FBLN5: variants seen among roughly 807,000 people sequenced by gnomAD.
FBLN5 encodes the protein fibulin 5, also known as fibulin-5.
FBLN5 carries 24 observed loss-of-function variants against 61.6 expected under a neutral mutation model. The observed-to-expected ratio is 0.39, with a 90% confidence interval of 0.28 to 0.55. The LOEUF (loss-of-function observed/expected upper bound fraction) is 0.55, where lower values mean the gene tolerates loss of function less well. Among genes scored for constraint, FBLN5 ranks in the 20% least tolerant of loss-of-function variants. The pLI is 0.65. For synonymous variants in FBLN5, 213 were observed against 219.8 expected (o/e 0.97, Z 0.27); for missense variants, 470 against 594.1 (o/e 0.79, Z 2.17).
At chr14:91,902,602 G>T (rs2139995178) in intron 4 of FBLN5, among the ~76,000 whole-genome samples, 2 of 152,232 alleles carry the variant, frequency 1.3e-5, no homozygotes, top group Middle Eastern at 6.8e-3. Flanking sequence ...ACTTTAATAT[G>T]CGTATGACTC....
chr14:91,900,414 CTT>C (rs1566810928), intron 4 of FBLN5, among the ~76,000 whole-genome samples: 3 of 152,158 alleles, frequency 2.0e-5, no homozygotes. Flanking sequence ...GTTGAAAATA[CTT>C]TGTTTTCATA....
At position 91,907,097 on chromosome 14, in the gene FBLN5, C is replaced by A. The variant is rs187689109; in HGVS notation, c.380-12025G>T. Among the ~76,000 whole-genome samples the A allele has an allele frequency of 5.9e-3, 901 of 152,310 alleles. 33 individuals are homozygous for A. The highest frequency in any genetic ancestry group is 0.053 in the Admixed American group (807 of 15,296). On this transcript the variant is annotated intron_variant, in intron 4 of 10. Transcript: ENST00000342058. ...CATCTGCCAATATCTATTCTCCCAACCAAAGACTGCATTTTTAAGCCTCTC... is the reference window on the plus strand; with the variant it reads ...CATCTGCCAATATCTATTCTCCCAAACAAAGACTGCATTTTTAAGCCTCTC...
chr14:91,934,719 C>T (rs1566827431), intron 4 of FBLN5, among the ~76,000 whole-genome samples: 1 of 152,160 alleles, frequency 6.6e-6, no homozygotes, highest in African/African-American at 2.4e-5. Flanking sequence ...TGGGCAGTGA[C>T]ACCTCCACAC....
Position 91,943,187 on chromosome 14 carries a change from T to G in FBLN5, c.18-226A>C, listed in dbSNP as rs563549718. 2.0e-5 allele frequency among the ~76,000 whole-genome samples: 3 copies of G among 152,056 alleles called. No homozygotes were observed. In the South Asian group the frequency reaches 6.2e-4, roughly 32 times the overall value. ...TTGGGATCATGTGTTAGATCACACT[T>G]TTTAATAAAGGGTTTGGCTGCTTCA... is the stretch of plus-strand genomic sequence containing the variant. On this transcript the variant is annotated intron_variant, in intron 1 of 10. Coordinates refer to ENST00000342058, the MANE Select transcript of FBLN5 (RefSeq NM_006329.4). The surrounding 1 kb of genome is among the most constrained non-coding windows in gnomAD (Gnocchi z 4.0).
rs528360468 is a variant in FBLN5 at position 91,912,593 on chromosome 14, C to T, written c.380-17521G>A. The stretch of plus-strand genomic sequence containing the variant: ...CCAGGAGGCGGAGGTTGCAGTGAGT[C>T]GAGATTGTGCCACTGCACTCCAGCC... On this transcript the variant is annotated intron_variant, in intron 4 of 10. Transcript: ENST00000342058. Among the ~76,000 whole-genome samples, 35 of 152,032 alleles carry T rather than the reference C, an allele frequency of 2.3e-4. No individual in the cohort carries two copies. The South Asian group carries it at 5.4e-3, about 23-fold the overall frequency.
At chr14:91,872,860 T>C (rs1889004294) in intron 10 of FBLN5, among the ~76,000 whole-genome samples, 1 of 152,164 alleles carries the variant, frequency 6.6e-6, no homozygotes, top group African/African-American at 2.4e-5. Flanking sequence ...CAGCTTTCAC[T>C]GCGTGAACAA....
At chr14:91,920,162 T>C (rs916939195) in intron 4 of FBLN5, among the ~76,000 whole-genome samples, 1 of 152,150 alleles carries the variant, frequency 6.6e-6, no homozygotes, top group Non-Finnish European at 1.5e-5. Context: ...AGTTGCACTA[T>C]CTCCTGTTGT....
At chr14:91,912,517 C>T (rs1890992749) in intron 4 of FBLN5, among the ~76,000 whole-genome samples, 1 of 152,106 alleles carries the variant, frequency 6.6e-6, no homozygotes, top group Non-Finnish European at 1.5e-5. Context: ...TGGTGGCACA[C>T]ACCTGTAATC....
chr14:91,907,700 C>A (rs141954627), intron 4 of FBLN5, among the ~76,000 whole-genome samples: 3 of 151,194 alleles, frequency 2.0e-5, no homozygotes, highest in African/African-American at 7.3e-5. Flanking sequence ...CGGAATGGAT[C>A]GTAAAGAGGA....
At chr14:91,880,695 G>A (rs542149767) in intron 9 of FBLN5, among the ~76,000 whole-genome samples, 34 of 152,098 alleles carry the variant, frequency 2.2e-4, no homozygotes, top group South Asian at 8.3e-4. Flanking sequence ...CTACAGGCCC[G>A]TGCCACCAGG....
In FBLN5 at chr14:91,919,698, C is replaced by A. The variant is rs537460198; in HGVS notation, c.379+17249G>T. Among the ~76,000 whole-genome samples, 19 of 152,250 alleles carry A rather than the reference C, an allele frequency of 1.2e-4. No individual in the cohort carries two copies. The South Asian group carries it at 3.7e-3, about 30-fold the overall frequency. ...GACACAAACACCCACAGAGGAAAGA[C>A]AAAGTCAAGTAAAGGAAAGGAAAGA... On this transcript the variant is annotated intron_variant, in intron 4 of 10. Coordinates refer to ENST00000342058, the MANE Select transcript of FBLN5 (RefSeq NM_006329.4).
rs1410277342 is a variant in FBLN5, at chr14:91,881,212, T to G, written c.989+80A>C. 3.8e-6 allele frequency: 6 copies of G among 1,559,046 alleles called. No homozygotes were observed. The South Asian group carries it at 5.6e-5, about 15-fold the overall frequency. Reference sequence around the variant, plus strand: ...TCCCCTCACTTCCTGGCTGGTGCACTCTCTTTCACACCACACCTCCAACCT... The same window carrying G: ...TCCCCTCACTTCCTGGCTGGTGCACGCTCTTTCACACCACACCTCCAACCT... On this transcript the variant is annotated intron_variant, in intron 9 of 10. Coordinates refer to ENST00000342058, the MANE Select transcript of FBLN5 (RefSeq NM_006329.4).
At chr14:91,931,785 T>C (rs1358332438) in intron 4 of FBLN5, among the ~76,000 whole-genome samples, 2 of 151,756 alleles carry the variant, frequency 1.3e-5, no homozygotes, top group Admixed American at 6.6e-5. Flanking sequence ...AGGGAATGAG[T>C]TGACAGAGTT....
intron 3 of FBLN5, among the ~76,000 whole-genome samples, chr14:91,939,646 C>T (rs1387285759): frequency 1.3e-5 from 2 of 152,104 alleles, no homozygotes; most frequent in Non-Finnish European, 2.9e-5. Flanking sequence ...CCGGCCCCAT[C>T]GATGCTTTAT....
Position 91,883,664 on chromosome 14 carries a change from A to AAAAAAAC in FBLN5, c.740-589_740-588insGTTTTTT, listed in dbSNP as rs758858453. On this transcript the variant is annotated intron_variant, in intron 7 of 10. Transcript: ENST00000342058. ...ACTGTGTAAAAAAAAAAACAAAAAA[A>AAAAAAAC]ACACACACACACAAAAACAAAAACA... Among the ~76,000 whole-genome samples, 452 of 148,316 alleles carry AAAAAAAC rather than the reference A, an allele frequency of 3.0e-3. 7 individuals are homozygous for AAAAAAAC. Among genetic ancestry groups the AAAAAAAC allele is most frequent in the African/African-American group, 9.7e-3 (383 of 39,606 alleles).
intron 4 of FBLN5, among the ~76,000 whole-genome samples, chr14:91,912,525 A>G (rs979840236): frequency 5.9e-5 from 9 of 152,232 alleles, no homozygotes; most frequent in Admixed American, 3.9e-4. Flanking sequence ...CACACCTGTA[A>G]TCTCAGCTAC....
At chr14:91,887,750 A>G (rs2300135) in intron 6 of FBLN5, among the ~76,000 whole-genome samples, 2 of 152,128 alleles carry the variant, frequency 1.3e-5, no homozygotes, top group East Asian at 3.9e-4. Flanking sequence ...CTAATAATAT[A>G]TTTATTATGC....
Position 91,877,544 on chromosome 14 carries a change from C to T in FBLN5, c.1128G>A (p.Gly376=), listed in dbSNP as rs770988838. ...FQMQATTRYP[G]AYYIFQIKSG... ...ATTTGATCTGGAAAATGTAATAGGC[C>T]CCAGGGTAGCGGGTCGTGGCTTGCA... Residue 376 remains glycine (G), a synonymous_variant, in exon 10 of 11, where the codon GGG becomes GGA. Transcript: ENST00000342058. 6.2e-7 allele frequency: 1 copy of T among 1,614,104 alleles called. No individual in the cohort carries two copies. Among genetic ancestry groups the T allele is most frequent in the Admixed American group, 1.7e-5 (1 of 60,008 alleles).
intron 7 of FBLN5, 34 bp from the exon 8 acceptor site, chr14:91,883,110 C>A (rs769489142): frequency 6.2e-7 from 1 of 1,612,120 alleles, no homozygotes; most frequent in Non-Finnish European, 8.5e-7. Flanking sequence ...TGTTTGTAAT[C>A]CCAGTCTACA....
Sources: allele counts gnomAD v4.1 joint callset (sites outside exome capture counted in the v4.1 genomes callset), GRCh38; gene constraint gnomAD v4.1.1; non-coding constraint Gnocchi (gnomAD v3.1); transcripts MANE v1.5; gene names NCBI Gene and HGNC (gene_info 2026-07-23, HGNC 2026-07-21).